IMMP1L: variants seen among roughly 807,000 people sequenced by gnomAD.
IMMP1L encodes the protein inner mitochondrial membrane peptidase subunit 1, also known as mitochondrial inner membrane protease subunit 1.
A neutral mutation model predicts 21.8 loss-of-function variants in IMMP1L; 24 were observed. The observed-to-expected ratio is 1.10, with a 90% CI of 0.80 to 1.55. The LOEUF is 1.55. IMMP1L is among the 40% of genes most tolerant of loss of function. The pLI, the probability that IMMP1L is intolerant of heterozygous loss-of-function variation, is 0.00. For synonymous variants in IMMP1L, 46 were observed against 62.8 expected, an observed-to-expected ratio of 0.73 and a Z score of 1.26; for missense variants, 195 against 200.7, an observed-to-expected ratio of 0.97 and a Z score of 0.17.
chr11:31,465,580 G>A (rs1034602087), intron 1 of IMMP1L, among the ~76,000 whole-genome samples: 1 of 151,992 alleles, frequency 6.6e-6, no homozygotes, highest in Non-Finnish European at 1.5e-5. Flanking sequence ...AAAACAGCAT[G>A]GTATTAGTAT....
In IMMP1L at chr11:31,456,295, T is replaced by G. The variant is rs552414566; in HGVS notation, c.286A>C (p.Thr96Pro). The G allele has an allele frequency of 1.9e-6, 3 of 1,606,782 alleles. No homozygotes were observed. The highest frequency in any genetic ancestry group is 8.5e-7 in the Non-Finnish European group (1 of 1,174,782). The part of the protein sequence containing the change: ...IGLEGDKILT[T>P]SPSDFFKSHS... ...CTTTTAAAGAAATCTGATGGACTAG[T>G]GGTGAGGATTTTGTCTCCTTCCAAA... The change falls in exon 4 of 6, where the codon ACT (threonine) becomes CCT (proline). Residue 96 changes from threonine to proline, a missense_variant. By Grantham distance (38) the Thr-to-Pro change is conservative. Coordinates refer to ENST00000532287, the MANE Select transcript of IMMP1L (RefSeq NM_001304274.2).
At chr11:31,437,100 A>G (rs1485374306) in intron 4 of IMMP1L, 3 of 436,788 alleles carry the variant, frequency 6.9e-6, no homozygotes, top group Non-Finnish European at 1.4e-5. Flanking sequence ...TAAAGCAGGC[A>G]TCTTTGCTGA....
chr11:31,444,946 T>C (rs925022788), intron 4 of IMMP1L, among the ~76,000 whole-genome samples: 14 of 152,218 alleles, frequency 9.2e-5, no homozygotes, highest in African/African-American at 3.4e-4. Context: ...AGCCAGTTTA[T>C]AGGCCTTTCT....
At chr11:31,439,134 TCTGTA>T (rs1459045450) in intron 4 of IMMP1L, among the ~76,000 whole-genome samples, 10 of 152,264 alleles carry the variant, frequency 6.6e-5, no homozygotes, top group African/African-American at 2.4e-4. Flanking sequence ...AGAACTTCTT[TCTGTA>T]CTTCTTGGAT....
chr11:31,464,131 G>A lies in IMMP1L; in HGVS notation c.-29-826C>T, dbSNP rs113879361. Among the ~76,000 whole-genome samples the A allele has an allele frequency of 7.0e-4, 106 of 151,332 alleles. 1 individual carries two copies. Among genetic ancestry groups the A allele is most frequent in the Middle Eastern group, 3.5e-3 (1 of 288 alleles). On this transcript the variant is annotated intron_variant, in intron 1 of 5. Transcript: ENST00000532287. ...CAGATCAAATTTATTAAAATATATC[G>A]ATAATAATATGTAACATCTGCTTAA...
intron 4 of IMMP1L, among the ~76,000 whole-genome samples, chr11:31,447,777 T>A (rs1953581195): frequency 1.3e-5 from 2 of 152,256 alleles, no homozygotes; most frequent in East Asian, 1.9e-4. Flanking sequence ...AGCCATTTTA[T>A]AATATGCATA....
chr11:31,433,447 C>T lies in IMMP1L; in HGVS notation c.432+13G>A. The T allele has an allele frequency of 7.1e-7, 1 of 1,414,066 alleles. No homozygotes were observed. Among genetic ancestry groups the T allele is most frequent in the Non-Finnish European group, 9.8e-7 (1 of 1,023,110 alleles). 87.6% of individuals were successfully genotyped at this position (1,414,066 alleles called of 1,614,324 possible). On this transcript the variant is annotated intron_variant, in intron 5 of 5. Transcript: ENST00000532287. ...CAGAAAATAAACCTTACATTTTAAG[C>T]AGAAAATGGTACCTTAAAGAAGATT...
chr11:31,455,911 C>T (rs1953922290), intron 4 of IMMP1L, among the ~76,000 whole-genome samples: 1 of 152,118 alleles, frequency 6.6e-6, no homozygotes, highest in Non-Finnish European at 1.5e-5. Flanking sequence ...TGGTGCCTGA[C>T]AGGTTTCACC....
chr11:31,471,736 A>G (rs376664097), intron 1 of IMMP1L, among the ~76,000 whole-genome samples: 17 of 152,194 alleles, frequency 1.1e-4, no homozygotes, highest in African/African-American at 4.1e-4. Context: ...GGGAACTTTT[A>G]GCACAAAGCG....
At chr11:31,475,804 T>C (rs1954707930) in intron 1 of IMMP1L, among the ~76,000 whole-genome samples, 1 of 152,170 alleles carries the variant, frequency 6.6e-6, no homozygotes, top group Admixed American at 6.5e-5. Flanking sequence ...TGAATTTACT[T>C]CAGATGAGTT....
At chr11:31,459,370 T>C (rs1033232318) in intron 3 of IMMP1L, among the ~76,000 whole-genome samples, 1 of 152,174 alleles carries the variant, frequency 6.6e-6, no homozygotes, top group Non-Finnish European at 1.5e-5. Flanking sequence ...AACTAAACAC[T>C]AGCTCAAGGG....
chr11:31,479,595 G>T (rs1380418728), intron 1 of IMMP1L, among the ~76,000 whole-genome samples: 1 of 152,018 alleles, frequency 6.6e-6, no homozygotes, highest in Non-Finnish European at 1.5e-5. Flanking sequence ...CTTAAAAGAT[G>T]ACTAGTCCAA....
In IMMP1L at chr11:31,503,273, C is replaced by G. The variant is rs1955679454; in HGVS notation, c.-30+6246G>C. ...AAGTTATAGGAGCAGCTAGTGCACG[C>G]TCTTAACTACATACGGTATATTAGA... On this transcript the variant is annotated intron_variant, in intron 1 of 5. Transcript: ENST00000532287. Among the ~76,000 whole-genome samples the G allele has an allele frequency of 2.0e-5, 3 of 152,240 alleles. No homozygotes were observed. In the South Asian group the frequency reaches 6.2e-4, roughly 32 times the overall value.
At chr11:31,458,352 C>T (rs1954015369) in intron 3 of IMMP1L, among the ~76,000 whole-genome samples, 1 of 151,956 alleles carries the variant, frequency 6.6e-6, no homozygotes, top group Admixed American at 6.6e-5. Context: ...CTTTTGAAAA[C>T]TAGTGTCAAT....
chr11:31,494,561 T>C (rs1955370135), intron 1 of IMMP1L, among the ~76,000 whole-genome samples: 1 of 152,198 alleles, frequency 6.6e-6, no homozygotes, highest in East Asian at 1.9e-4. Context: ...TTGTTACTCA[T>C]GCAAATTTCT....
chr11:31,455,792 T>C (rs188810724), intron 4 of IMMP1L, among the ~76,000 whole-genome samples: 87 of 152,272 alleles, frequency 5.7e-4, no homozygotes, highest in African/African-American at 2.0e-3. Context: ...CATGAGTAGA[T>C]TGAGGTTGTA....
intron 3 of IMMP1L, among the ~76,000 whole-genome samples, chr11:31,457,654 T>C (rs2133640158): frequency 6.6e-6 from 1 of 152,238 alleles, no homozygotes; most frequent in African/African-American, 2.4e-5. Flanking sequence ...ACCAGTTACA[T>C]GGAAATCATT....
intron 1 of IMMP1L, among the ~76,000 whole-genome samples, chr11:31,502,493 C>A (rs532234600): frequency 8.7e-4 from 133 of 152,254 alleles, no homozygotes; most frequent in African/African-American, 3.0e-3. Context: ...TTATTTATTT[C>A]TTTAGAGAGG....
In IMMP1L at chr11:31,436,985, T is replaced by TC. The variant is rs1207088714; in HGVS notation, c.322-3416_322-3415insG. ...TGCCTACATCTCAGACAACACTTCATGTAAAGTACACAAATCAAGGAAACA... is the reference window on the plus strand; with the variant it reads ...TGCCTACATCTCAGACAACACTTCATCGTAAAGTACACAAATCAAGGAAACA... On this transcript the variant is annotated intron_variant, in intron 4 of 5. Transcript: ENST00000532287. 20 of 235,274 alleles carry TC rather than the reference T, an allele frequency of 8.5e-5. 1 individual carries two copies. The highest frequency in any genetic ancestry group is 6.5e-4 in the Admixed American group (15 of 23,082). The allele number at this position is 235,274 out of a possible 1,614,324, so 14.6% of individuals were successfully genotyped here. A position where few individuals can be genotyped will look rare whatever the true frequency, so the allele number is the denominator to read the frequency against.
Sources: allele counts gnomAD v4.1 joint callset (sites outside exome capture counted in the v4.1 genomes callset), GRCh38; gene constraint gnomAD v4.1.1; transcripts MANE v1.5; gene names NCBI Gene and HGNC (gene_info 2026-07-23, HGNC 2026-07-21).